The following MYO16 variants were observed in gnomAD, a reference collection of about 807,000 sequenced individuals.
The protein encoded by MYO16 is myosin XVI, also known as unconventional myosin-XVI.
A neutral mutation model predicts 205.3 loss-of-function variants in MYO16; 94 were observed. The observed-to-expected ratio is 0.46, with a 90% confidence interval of 0.39 to 0.54. The LOEUF (loss-of-function observed/expected upper bound fraction) is 0.54, where lower values mean the gene tolerates loss of function less well. MYO16 is among the 20% of genes least tolerant of loss of function. The pLI, the probability that MYO16 is intolerant of heterozygous loss-of-function variation, is 0.00. For missense variants in MYO16, 2,315 were observed against 2,387.5 expected, an observed-to-expected ratio of 0.97 and a Z score of 0.63; for synonymous variants, 988 against 954.0, an observed-to-expected ratio of 1.04 and a Z score of -0.66.
At chr13:108,594,365 T>C (rs76737003), upstream of MYO16, among the ~76,000 whole-genome samples, 2,936 of 152,184 alleles carry the variant, frequency 0.019, 99 homozygotes, top group South Asian at 0.16. Context: ...GTAACCCTAA[T>C]TGGTTTAGCC....
At chr13:108,764,258 T>C (rs1885707944) in intron 4 of MYO16, among the ~76,000 whole-genome samples, 1 of 152,104 alleles carries the variant, frequency 6.6e-6, no homozygotes, top group Non-Finnish European at 1.5e-5. Flanking sequence ...AAAAGAAATA[T>C]AGGTGTTGGT....
chr13:108,988,648 C>A (rs534142107), intron 20 of MYO16, among the ~76,000 whole-genome samples: 2 of 152,240 alleles, frequency 1.3e-5, no homozygotes, highest in Admixed American at 1.3e-4. Context: ...TGTGTTGATG[C>A]AATTTGCCAT....
chr13:109,201,005 G>GAGT (rs1880371431), intron 34 of MYO16, among the ~76,000 whole-genome samples: 1 of 152,104 alleles, frequency 6.6e-6, no homozygotes, highest in Non-Finnish European at 1.5e-5. Flanking sequence ...GGAGATGGAA[G>GAGT]AGTAACACCA....
At chr13:108,803,734 G>C (rs955002134) in intron 6 of MYO16, among the ~76,000 whole-genome samples, 2 of 152,078 alleles carry the variant, frequency 1.3e-5, no homozygotes, top group African/African-American at 4.8e-5. Context: ...CTAAGACTTG[G>C]TGATGGTTTT....
the MYO16 span, among the ~76,000 whole-genome samples, chr13:108,553,640 T>C: frequency 6.6e-6 from 1 of 152,242 alleles, no homozygotes; most frequent in Non-Finnish European, 1.5e-5. Context: ...CAGGCTGAGT[T>C]ATTCCCACGG....
chr13:109,176,205 C>A (rs1039016325), intron 33 of MYO16, among the ~76,000 whole-genome samples: 2 of 151,978 alleles, frequency 1.3e-5, no homozygotes, highest in Admixed American at 6.6e-5. Flanking sequence ...AGTCTCATAT[C>A]CATTACTTGG....
At chr13:108,890,504 T>G (rs1191052748) in intron 14 of MYO16, among the ~76,000 whole-genome samples, 1 of 152,094 alleles carries the variant, frequency 6.6e-6, no homozygotes, top group East Asian at 1.9e-4. Flanking sequence ...CCCAGACACT[T>G]TCTCACCTGC....
intron 23 of MYO16, among the ~76,000 whole-genome samples, chr13:109,022,415 TA>T (rs1205724214): frequency 7.8e-6 from 1 of 128,588 alleles, no homozygotes; most frequent in Non-Finnish European, 1.6e-5. Flanking sequence ...GTATATATTG[TA>T]TATACAAATA....
intron 2 of MYO16, among the ~76,000 whole-genome samples, chr13:108,704,164 G>A (rs1336148684): frequency 6.6e-6 from 1 of 152,082 alleles, no homozygotes; most frequent in African/African-American, 2.4e-5. Flanking sequence ...GCCATCCGAG[G>A]TATCTTGTTA....
At chr13:108,895,146 A>G (rs1191895770) in intron 14 of MYO16, among the ~76,000 whole-genome samples, 11 of 152,216 alleles carry the variant, frequency 7.2e-5, no homozygotes, top group Non-Finnish European at 1.3e-4. Context: ...AACTCCTACC[A>G]TAATAGTCCA....
chr13:108,576,187 C>A, the MYO16 span, among the ~76,000 whole-genome samples: 1 of 152,170 alleles, frequency 6.6e-6, no homozygotes, highest in Admixed American at 6.5e-5. Flanking sequence ...AAACAGGTGG[C>A]AGATGTAGCA....
intron 16 of MYO16, 117 bp from the exon 17 acceptor site, chr13:108,957,571 C>A: frequency 1.5e-6 from 1 of 647,060 alleles, no homozygotes. Context: ...CACGTGGGGA[C>A]ACCATGTCCA....
chr13:109,050,895 C>T (rs920914022), intron 24 of MYO16, among the ~76,000 whole-genome samples: 1 of 150,968 alleles, frequency 6.6e-6, no homozygotes, highest in African/African-American at 2.4e-5. Context: ...GCCTTACATT[C>T]TGGCCTTCCA....
At chr13:108,774,971 T>A (rs116470703) in intron 4 of MYO16, among the ~76,000 whole-genome samples, 1 of 152,284 alleles carries the variant, frequency 6.6e-6, no homozygotes, top group African/African-American at 2.4e-5. Flanking sequence ...ATTTAGAAAA[T>A]GTAGAGTGAT....
At chr13:108,843,939 G>A (rs949112975) in intron 9 of MYO16, among the ~76,000 whole-genome samples, 3 of 151,982 alleles carry the variant, frequency 2.0e-5, no homozygotes, top group African/African-American at 4.8e-5. Context: ...TCCTAAATGA[G>A]TAATTTTTAA....
At chr13:109,179,498 C>G (rs1566551081) in intron 33 of MYO16, 44 bp from the exon 34 acceptor site, 7 of 1,258,526 alleles carry the variant, frequency 5.6e-6, no homozygotes, top group Admixed American at 1.7e-5. Flanking sequence ...TTATTTGGAA[C>G]AAGGAGACAC....
At chr13:108,617,917 A>ACTCTC (rs1282995710) in intron 1 of MYO16, among the ~76,000 whole-genome samples, 1 of 151,266 alleles carries the variant, frequency 6.6e-6, no homozygotes, top group Non-Finnish European at 1.5e-5. Flanking sequence ...TTCTTCCTCC[A>ACTCTC]CTCTCCTTTC....
chr13:109,203,533 T>G (rs1880483657), intron 34 of MYO16, among the ~76,000 whole-genome samples: 2 of 152,100 alleles, frequency 1.3e-5, no homozygotes, highest in African/African-American at 4.8e-5. Context: ...CTCGCTGGGC[T>G]GTGCTGGAGA....
chr13:108,662,546 G>C (rs1482981999), intron 1 of MYO16, among the ~76,000 whole-genome samples: 3 of 152,098 alleles, frequency 2.0e-5, no homozygotes, highest in Non-Finnish European at 2.9e-5. Context: ...GAGTCATGCA[G>C]GTTGTCAGGG....
Sources: allele counts gnomAD v4.1 joint callset (sites outside exome capture counted in the v4.1 genomes callset), GRCh38; gene constraint gnomAD v4.1.1; transcripts MANE v1.5; gene names NCBI Gene and HGNC (gene_info 2026-07-23, HGNC 2026-07-21).